The following AK9 variants were observed in gnomAD, a reference collection of about 807,000 sequenced individuals.
AK9 encodes the protein adenylate kinase domain containing 1.
Under a neutral mutation model 239.6 loss-of-function variants are expected in AK9, and 191 were observed. The ratio of observed to expected loss-of-function variants is 0.80; its 90% confidence interval spans 0.71 to 0.90. AK9 has a LOEUF of 0.90. Ranked by LOEUF, AK9 falls within the 40% of genes least tolerant of loss-of-function variation. The probability of loss-of-function intolerance (pLI) is 0.00; values close to 1 mark genes in which losing one functional copy is unlikely to be tolerated. For missense variants in AK9, 1,995 were observed against 2,214.7 expected (o/e 0.90, Z 1.99); for synonymous variants, 689 against 721.0 (o/e 0.96, Z 0.71).
At chr6:109,634,604 G>C (rs890421340) in intron 10 of AK9, among the ~76,000 whole-genome samples, 27 of 152,188 alleles carry the variant, frequency 1.8e-4, no homozygotes, top group African/African-American at 6.5e-4. Flanking sequence ...GAACAAAGAG[G>C]CATGTGCACT....
intron 20 of AK9, 65 bp from the exon 21 acceptor site, chr6:109,573,659 A>G (rs1787708083): frequency 4.1e-6 from 6 of 1,446,872 alleles, no homozygotes; most frequent in Non-Finnish European, 5.6e-6. Context: ...TTGGGTGTTG[A>G]TAAGTGCTGA....
intron 31 of AK9, among the ~76,000 whole-genome samples, chr6:109,514,716 G>A (rs1779098070): frequency 6.6e-6 from 1 of 152,098 alleles, no homozygotes; most frequent in Non-Finnish European, 1.5e-5. Context: ...TATACTGAAT[G>A]TTTCTGTCAA....
intron 24 of AK9, among the ~76,000 whole-genome samples, chr6:109,561,787 T>C (rs1785813557): frequency 6.6e-6 from 1 of 152,214 alleles, no homozygotes; most frequent in Admixed American, 6.5e-5. Flanking sequence ...ATGTACTTGG[T>C]GCTATTATAA....
chr6:109,537,089 G>T (rs1010392033), intron 27 of AK9, among the ~76,000 whole-genome samples: 7 of 152,132 alleles, frequency 4.6e-5, no homozygotes, highest in African/African-American at 2.4e-5. Flanking sequence ...TCTCTGCCAG[G>T]CTTTGGTATC....
chr6:109,503,037 A>C (rs2128101863), intron 35 of AK9, among the ~76,000 whole-genome samples: 1 of 152,198 alleles, frequency 6.6e-6, no homozygotes, highest in African/African-American at 2.4e-5. Flanking sequence ...ATGCAACAAT[A>C]GATAACAAAT....
rs1308380773 is a variant in AK9 at position 109,659,136 on chromosome 6, TCTA to T, written c.630+89_630+91del. ...AAAGATGTAAAGAAAATGTATAGCA[TCTA>T]CTATTTCCTATTACCTATACCATCA... On this transcript the variant is annotated intron_variant, in intron 7 of 40. Coordinates refer to ENST00000424296, the MANE Select transcript of AK9 (RefSeq NM_001145128.3). 4 of 1,353,044 alleles carry T rather than the reference TCTA, an allele frequency of 3.0e-6. No individual in the cohort carries two copies. The African/African-American group carries it at 4.5e-5, about 15-fold the overall frequency. 83.8% of individuals were successfully genotyped at this position (1,353,044 alleles called of 1,614,324 possible). A position where few individuals can be genotyped will look rare whatever the true frequency, so the allele number is the denominator to read the frequency against.
intron 23 of AK9, 129 bp downstream of exon 23, chr6:109,563,951 T>G (rs914465754): frequency 5.5e-6 from 6 of 1,095,830 alleles, no homozygotes; most frequent in Non-Finnish European, 7.7e-6. Context: ...TTGCTAAGTA[T>G]TTTATACATC....
chr6:109,603,486 G>T (rs566988582), intron 17 of AK9, among the ~76,000 whole-genome samples: 9 of 152,286 alleles, frequency 5.9e-5, no homozygotes, highest in African/African-American at 1.9e-4. Flanking sequence ...GCCCCTACTG[G>T]GGGGTGCCTC....
At chr6:109,668,119 T>A (rs527250276) in intron 5 of AK9, among the ~76,000 whole-genome samples, 104 of 152,366 alleles carry the variant, frequency 6.8e-4, no homozygotes, top group Middle Eastern at 3.4e-3. Context: ...GATATCTCAT[T>A]GTGGTTTTGA....
chr6:109,515,142 A>G (rs1355417145), intron 31 of AK9, among the ~76,000 whole-genome samples: 1 of 152,236 alleles, frequency 6.6e-6, no homozygotes, highest in East Asian at 1.9e-4. Flanking sequence ...CTGTTGTTTA[A>G]GCTACCAAGT....
chr6:109,598,536 G>A (rs1278849701), intron 17 of AK9, among the ~76,000 whole-genome samples: 2 of 152,090 alleles, frequency 1.3e-5, no homozygotes, highest in East Asian at 1.9e-4. Flanking sequence ...ATAAATCTAC[G>A]TGTGCATGTG....
At chr6:109,582,051 G>A (rs1788928888) in intron 19 of AK9, among the ~76,000 whole-genome samples, 1 of 152,146 alleles carries the variant, frequency 6.6e-6, no homozygotes, top group African/African-American at 2.4e-5. Flanking sequence ...GCTTTACTGA[G>A]TATTTTAACT....
intron 35 of AK9, among the ~76,000 whole-genome samples, chr6:109,502,961 G>GTA (rs1307046158): frequency 6.8e-6 from 1 of 146,524 alleles, no homozygotes; most frequent in African/African-American, 2.5e-5. Context: ...AACGGTATGT[G>GTA]TGTGTGTGTG....
rs371980987 is a variant in AK9, at chr6:109,632,664, G to A, written c.1254+259C>T. On this transcript the variant is annotated intron_variant, in intron 12 of 40. Transcript: ENST00000424296. ...AGCTAATAGGTGGCAGAGTCTGAAT[G>A]ACACGATATTCACATGTGGGAGCTT... 20 of 781,938 alleles carry A rather than the reference G, an allele frequency of 2.6e-5. No homozygotes were observed. The African/African-American group carries it at 3.0e-4, about 12-fold the overall frequency. The allele number at this position is 781,938 out of a possible 1,614,324, so 48.4% of individuals were successfully genotyped here.
At chr6:109,679,628 G>A (rs901586473) in intron 1 of AK9, among the ~76,000 whole-genome samples, 1 of 152,150 alleles carries the variant, frequency 6.6e-6, no homozygotes, top group Non-Finnish European at 1.5e-5. Context: ...GCCTCCTGAA[G>A]TGGGTCCCTG....
At chr6:109,500,489 T>C (rs542326558) in intron 35 of AK9, among the ~76,000 whole-genome samples, 6 of 152,234 alleles carry the variant, frequency 3.9e-5, no homozygotes, top group Admixed American at 1.3e-4. Context: ...TTATAGCCAG[T>C]ACGTTTTGTT....
chr6:109,676,421 G>C (rs1771761144), intron 1 of AK9, among the ~76,000 whole-genome samples: 1 of 151,896 alleles, frequency 6.6e-6, no homozygotes, highest in African/African-American at 2.4e-5. Flanking sequence ...AACAAATAAG[G>C]TCACAACAGT....
At chr6:109,610,819 C>T (rs1163596550) in intron 16 of AK9, among the ~76,000 whole-genome samples, 1 of 151,970 alleles carries the variant, frequency 6.6e-6, no homozygotes, top group Non-Finnish European at 1.5e-5. Context: ...CCAGAGGATT[C>T]CAGGAATCAA....
rs1777138683 is a variant in AK9 at position 109,497,325 on chromosome 6, T to TACAC, written c.5315+139_5315+140insGTGT. ...TTGGGATGGCAGGGACCAGTGCTTG[T>TACAC]TCACACACACACACACACACACACA... On this transcript the variant is annotated intron_variant, in intron 38 of 40. Coordinates refer to ENST00000424296, the MANE Select transcript of AK9 (RefSeq NM_001145128.3). The TACAC allele has an allele frequency of 1.1e-5, 6 of 562,878 alleles. No homozygotes were observed. In the East Asian group the frequency reaches 1.2e-4, roughly 11 times the overall value. The allele number at this position is 562,878 out of a possible 1,614,324, so 34.9% of individuals were successfully genotyped here. A position where few individuals can be genotyped will look rare whatever the true frequency, so the allele number is the denominator to read the frequency against.
Sources: allele counts gnomAD v4.1 joint callset (sites outside exome capture counted in the v4.1 genomes callset), GRCh38; gene constraint gnomAD v4.1.1; transcripts MANE v1.5; gene names NCBI Gene and HGNC (gene_info 2026-07-23, HGNC 2026-07-21).